Variants in FRMD4A observed in about 807,000 individuals in gnomAD.
FRMD4A encodes FERM domain-containing protein 4A.
FRMD4A carries 29 observed loss-of-function variants against 129.1 expected under a neutral mutation model. The observed-to-expected ratio is 0.22, with a 90% CI of 0.17 to 0.31. The LOEUF (loss-of-function observed/expected upper bound fraction) is 0.31. Ranked by LOEUF, FRMD4A falls within the 10% of genes least tolerant of loss-of-function variation. The pLI is 1.00. For missense variants in FRMD4A, 1,272 were observed against 1,375.8 expected (o/e 0.92, Z 1.19); for synonymous variants, 634 against 571.6 (o/e 1.11, Z -1.56).
chr10:14,185,895 G>C (rs577144704), intron 2 of FRMD4A, among the ~76,000 whole-genome samples: 171 of 152,258 alleles, frequency 1.1e-3, no homozygotes, highest in African/African-American at 4.0e-3. Flanking sequence ...ACAGCAACAG[G>C]GCAGAGAGAG....
At chr10:13,928,428 A>G (rs773123643) in intron 2 of FRMD4A, among the ~76,000 whole-genome samples, 3 of 152,030 alleles carry the variant, frequency 2.0e-5, no homozygotes, top group Non-Finnish European at 4.4e-5. Context: ...CTGAATTCTA[A>G]TTAATGAAAA....
chr10:13,818,205 C>T (rs548964038), intron 3 of FRMD4A, among the ~76,000 whole-genome samples: 10 of 151,198 alleles, frequency 6.6e-5, no homozygotes, highest in Admixed American at 1.3e-4. Flanking sequence ...TATTCTGTTG[C>T]CCAGGCTGGA....
At chr10:14,268,021 C>T (rs773344789) in intron 2 of FRMD4A, among the ~76,000 whole-genome samples, 1 of 152,070 alleles carries the variant, frequency 6.6e-6, no homozygotes, top group Non-Finnish European at 1.5e-5. Flanking sequence ...TAATACGCCA[C>T]CTATTTCATG....
intron 2 of FRMD4A, among the ~76,000 whole-genome samples, chr10:14,185,722 GA>G (rs1842111014): frequency 6.6e-6 from 1 of 152,200 alleles, no homozygotes; most frequent in Non-Finnish European, 1.5e-5. Context: ...AGTAGTTCTA[GA>G]GAGAAGGGAT....
intron 2 of FRMD4A, among the ~76,000 whole-genome samples, chr10:13,943,651 A>G (rs1241749199): frequency 1.0e-4 from 1 of 9,538 alleles, no homozygotes; most frequent in African/African-American, 7.9e-4. Flanking sequence ...TGTCTCAAAA[A>G]AAAAAAAAAA....
chr10:14,086,190 T>C (rs867056955), intron 2 of FRMD4A, among the ~76,000 whole-genome samples: 1 of 152,224 alleles, frequency 6.6e-6, no homozygotes, highest in African/African-American at 2.4e-5. Flanking sequence ...TGCTGATTAA[T>C]TTAATTATCT....
intron 2 of FRMD4A, among the ~76,000 whole-genome samples, chr10:14,307,592 C>A (rs879803372): frequency 6.6e-6 from 1 of 152,180 alleles, no homozygotes; most frequent in Non-Finnish European, 1.5e-5. Flanking sequence ...CAGCTAACTA[C>A]GGAAGGAAAC....
At position 14,100,883 on chromosome 10, in the gene FRMD4A, T is replaced by C. The variant is rs566653192; in HGVS notation, c.45+229175A>G. 4.6e-5 allele frequency among the ~76,000 whole-genome samples: 7 copies of C among 152,262 alleles called. No individual in the cohort carries two copies. The South Asian group carries it at 1.2e-3, about 27-fold the overall frequency. On this transcript the variant is annotated intron_variant, in intron 2 of 24. Coordinates refer to ENST00000357447, the MANE Select transcript of FRMD4A (RefSeq NM_018027.5). Reference sequence around the variant, plus strand: ...AAAACTCTGAACTAGAAGTTTTGAGTGTTAGATACAGTTTTAACTCTGTGT... The same window carrying C: ...AAAACTCTGAACTAGAAGTTTTGAGCGTTAGATACAGTTTTAACTCTGTGT...
intron 12 of FRMD4A, among the ~76,000 whole-genome samples, chr10:13,708,459 T>C (rs2087695022): frequency 6.6e-6 from 1 of 152,238 alleles, no homozygotes; most frequent in South Asian, 2.1e-4. Context: ...TACAATTATT[T>C]TGTCTGCGTT....
At chr10:14,061,133 G>C (rs1834789775) in intron 2 of FRMD4A, among the ~76,000 whole-genome samples, 1 of 152,092 alleles carries the variant, frequency 6.6e-6, no homozygotes, top group Non-Finnish European at 1.5e-5. Flanking sequence ...GCACATTCTG[G>C]CTATAAATAT....
intron 2 of FRMD4A, among the ~76,000 whole-genome samples, chr10:14,221,218 C>G (rs915000853): frequency 6.6e-6 from 1 of 152,096 alleles, no homozygotes; most frequent in Non-Finnish European, 1.5e-5. Flanking sequence ...GCCCTGAGGC[C>G]CCTTAACTTT....
intron 6 of FRMD4A, among the ~76,000 whole-genome samples, chr10:13,769,673 C>T (rs1489391573): frequency 6.6e-6 from 1 of 152,192 alleles, no homozygotes; most frequent in Non-Finnish European, 1.5e-5. Context: ...ATGAGATCAG[C>T]ATTTGAATCA....
chr10:13,717,339 A>G (rs2088904646), intron 12 of FRMD4A, among the ~76,000 whole-genome samples: 2 of 152,114 alleles, frequency 1.3e-5, no homozygotes, highest in Admixed American at 6.5e-5. Context: ...TTTGAGATGG[A>G]GTCTTGCTCT....
chr10:13,825,332 G>C (rs2093686390), intron 3 of FRMD4A, among the ~76,000 whole-genome samples: 1 of 152,100 alleles, frequency 6.6e-6, no homozygotes, highest in Non-Finnish European at 1.5e-5. Flanking sequence ...CAACACTAGG[G>C]GTCCCCAAAC....
intron 2 of FRMD4A, among the ~76,000 whole-genome samples, chr10:14,197,350 C>G (rs894602635): frequency 3.3e-5 from 5 of 152,176 alleles, no homozygotes; most frequent in Admixed American, 3.3e-4. Flanking sequence ...TTGTTCAGGA[C>G]AAGCAGGATA....
chr10:13,701,939 C>CT (rs2086872071), intron 13 of FRMD4A, among the ~76,000 whole-genome samples: 2 of 152,182 alleles, frequency 1.3e-5, no homozygotes, highest in African/African-American at 4.8e-5. Context: ...TCTTATATAA[C>CT]TAACCCAATG....
chr10:14,303,117 C>T (rs1337568811), intron 2 of FRMD4A, among the ~76,000 whole-genome samples: 2 of 152,154 alleles, frequency 1.3e-5, no homozygotes, highest in Non-Finnish European at 2.9e-5. Flanking sequence ...TTTTGAAAAA[C>T]GCCGATGCTC....
chr10:13,891,856 G>A (rs1009102087), intron 2 of FRMD4A: 2 of 511,816 alleles, frequency 3.9e-6, no homozygotes, highest in African/African-American at 2.1e-5. Flanking sequence ...CGGCGCCAGT[G>A]AGCCCCGCCG....
At chr10:14,100,702 A>G (rs1837258273) in intron 2 of FRMD4A, among the ~76,000 whole-genome samples, 1 of 152,182 alleles carries the variant, frequency 6.6e-6, no homozygotes. Context: ...TGCTGAAAAT[A>G]GAACATATAT....
Sources: allele counts gnomAD v4.1 joint callset (sites outside exome capture counted in the v4.1 genomes callset), GRCh38; gene constraint gnomAD v4.1.1; transcripts MANE v1.5; gene names NCBI Gene and HGNC (gene_info 2026-07-23, HGNC 2026-07-21).